SEMA6A: variants seen among roughly 807,000 people sequenced by gnomAD.
The protein encoded by SEMA6A is semaphorin 6A.
In SEMA6A, 25 loss-of-function variants were observed where a neutral mutation model predicts 96.8. The ratio of observed to expected loss-of-function variants is 0.26; its 90% confidence interval spans 0.19 to 0.36. The LOEUF (loss-of-function observed/expected upper bound fraction) is 0.36. SEMA6A is among the 10% of genes least tolerant of loss of function. The pLI is 1.00. For synonymous variants in SEMA6A, 612 were observed against 518.0 expected (o/e 1.18, Z -2.46); for missense variants, 1,363 against 1,323.1 (o/e 1.03, Z -0.47).
At chr5:116,496,430 G>T in intron 4 of SEMA6A, 117 bp from the exon 5 acceptor site, 1 of 747,680 alleles carries the variant, frequency 1.3e-6, no homozygotes, top group Non-Finnish European at 2.2e-6. Flanking sequence ...AAAGCTTTCT[G>T]CACCCTTTCT....
chr5:116,532,407 G>C (rs1026367662), intron 1 of SEMA6A, among the ~76,000 whole-genome samples: 6 of 152,192 alleles, frequency 3.9e-5, no homozygotes, highest in Non-Finnish European at 8.8e-5. Context: ...TGTCAAAGTG[G>C]CCACAAGACT....
chr5:116,572,458 A>C (rs1393600325), intron 1 of SEMA6A, among the ~76,000 whole-genome samples: 1 of 152,158 alleles, frequency 6.6e-6, no homozygotes, highest in Non-Finnish European at 1.5e-5. Flanking sequence ...GGCTGTGAAG[A>C]CAGCGCCTCC....
At chr5:116,545,568 C>A (rs1316671545) in intron 1 of SEMA6A, among the ~76,000 whole-genome samples, 2 of 151,852 alleles carry the variant, frequency 1.3e-5, no homozygotes, top group African/African-American at 4.8e-5. Context: ...GAAACTTCAT[C>A]TTAAAAAAAA....
rs369926890 is a variant in SEMA6A, at chr5:116,541,693, C to T, written c.-39+32492G>A. On this transcript the variant is annotated intron_variant, in intron 1 of 18. Coordinates refer to ENST00000343348, the MANE Select transcript of SEMA6A (RefSeq NM_020796.5). ...ACTAAAGATACAAAAATTAGCTGGGCGTGGTGGCGTGCACCTGTAATCCCA... is the reference window on the plus strand; with the variant it reads ...ACTAAAGATACAAAAATTAGCTGGGTGTGGTGGCGTGCACCTGTAATCCCA... 3.9e-5 allele frequency among the ~76,000 whole-genome samples: 6 copies of T among 152,130 alleles called. No individual in the cohort carries two copies. In the South Asian group the frequency reaches 6.2e-4, roughly 16 times the overall value.
At chr5:116,542,625 T>C (rs115998598) in intron 1 of SEMA6A, among the ~76,000 whole-genome samples, 3,863 of 152,334 alleles carry the variant, frequency 0.025, 64 homozygotes, top group Middle Eastern at 0.044. Context: ...CACACTCTGC[T>C]AGGATTCTAA....
chr5:116,464,566 C>T (rs962016242), intron 18 of SEMA6A, among the ~76,000 whole-genome samples: 6 of 151,988 alleles, frequency 3.9e-5, no homozygotes, highest in East Asian at 1.9e-4. Flanking sequence ...ATGCTACTCA[C>T]GGTGTAGAAG....
intron 1 of SEMA6A, among the ~76,000 whole-genome samples, chr5:116,563,902 C>G (rs1425104489): frequency 6.6e-6 from 1 of 152,146 alleles, no homozygotes; most frequent in Non-Finnish European, 1.5e-5. Flanking sequence ...CTTTGCTTCT[C>G]AGAGATATCT....
chr5:116,512,343 A>C (rs908169266), intron 1 of SEMA6A, among the ~76,000 whole-genome samples: 1 of 152,204 alleles, frequency 6.6e-6, no homozygotes. Flanking sequence ...CCTCTTAATA[A>C]AGCATCTGGT....
chr5:116,527,677 C>A (rs1759289466), intron 1 of SEMA6A, among the ~76,000 whole-genome samples: 1 of 151,654 alleles, frequency 6.6e-6, no homozygotes, highest in Non-Finnish European at 1.5e-5. Context: ...TTCAACAATT[C>A]TTTTATTTTT....
chr5:116,524,001 A>G (rs1337878529), intron 1 of SEMA6A, among the ~76,000 whole-genome samples: 3 of 152,218 alleles, frequency 2.0e-5, no homozygotes, highest in Non-Finnish European at 2.9e-5. Context: ...CATGTCCAAT[A>G]ACAACTGGAC....
intron 1 of SEMA6A, among the ~76,000 whole-genome samples, chr5:116,560,244 CT>C (rs1267486103): frequency 5.3e-5 from 8 of 152,220 alleles, no homozygotes; most frequent in Admixed American, 4.6e-4. Context: ...TTCTTAGCAT[CT>C]TCTGCATTCT....
Position 116,544,081 on chromosome 5 carries a change from T to C in SEMA6A, c.-39+30104A>G, listed in dbSNP as rs139251449. Among the ~76,000 whole-genome samples, 11 of 152,342 alleles carry C rather than the reference T, an allele frequency of 7.2e-5. No individual in the cohort carries two copies. The East Asian group carries it at 1.9e-3, about 27-fold the overall frequency. On this transcript the variant is annotated intron_variant, in intron 1 of 18. Coordinates refer to ENST00000343348, the MANE Select transcript of SEMA6A (RefSeq NM_020796.5). Reference sequence around the variant, plus strand: ...TAATGAAATAACTGGGGTACTTGAATTTGAAGGCTCACCTTCCAACCACTT... The same window carrying C: ...TAATGAAATAACTGGGGTACTTGAACTTGAAGGCTCACCTTCCAACCACTT...
At chr5:116,467,443 G>A (rs1426275224) in intron 18 of SEMA6A, 140 bp downstream of exon 18, 1 of 796,026 alleles carries the variant, frequency 1.3e-6, no homozygotes, top group Non-Finnish European at 1.9e-6. Context: ...TGGGGTTGCA[G>A]TCTTTTTCGA....
intron 10 of SEMA6A, among the ~76,000 whole-genome samples, chr5:116,485,600 C>T (rs1264231779): frequency 1.3e-5 from 2 of 152,196 alleles, no homozygotes; most frequent in African/African-American, 4.8e-5. Context: ...TTTCATCCTT[C>T]ATGAAGTTTG....
chr5:116,549,852 T>C (rs933663323), intron 1 of SEMA6A, among the ~76,000 whole-genome samples: 4 of 152,208 alleles, frequency 2.6e-5, no homozygotes, highest in East Asian at 1.9e-4. Context: ...ACGATACTTA[T>C]GCACTTTCAC....
rs1754492636 is a variant in SEMA6A at position 116,449,503 on chromosome 5, G to A, written c.1895-1692C>T. The A allele has an allele frequency of 5.2e-6, 3 of 581,260 alleles. No individual in the cohort carries two copies. The Admixed American group carries it at 9.3e-5, about 18-fold the overall frequency. 36.0% of individuals were successfully genotyped at this position (581,260 alleles called of 1,614,324 possible). A position where few individuals can be genotyped will look rare whatever the true frequency, so the allele number is the denominator to read the frequency against. On this transcript the variant is annotated intron_variant, in intron 18 of 18. Transcript: ENST00000343348. Reference sequence around the variant, plus strand: ...CTACTGAAATGTTGTCTTTGTCACAGCCGAGACCTTGAAGCTTTCTCATGG... The same window carrying A: ...CTACTGAAATGTTGTCTTTGTCACAACCGAGACCTTGAAGCTTTCTCATGG...
chr5:116,512,121 T>C (rs564653907), intron 1 of SEMA6A, among the ~76,000 whole-genome samples: 1 of 152,288 alleles, frequency 6.6e-6, no homozygotes, highest in African/African-American at 2.4e-5. Context: ...ACAGCTCTGT[T>C]TCAAGGACCG....
At chr5:116,480,460 T>C (rs904324017) in intron 11 of SEMA6A, among the ~76,000 whole-genome samples, 183 bp from the exon 12 acceptor site, 1 of 152,160 alleles carries the variant, frequency 6.6e-6, no homozygotes, top group Non-Finnish European at 1.5e-5. Context: ...CTGAGCCGCC[T>C]CCTCATTTCT....
In SEMA6A at chr5:116,482,327, A is replaced by G. The variant is rs1256229768; in HGVS notation, c.1094+117T>C. 13 of 1,129,108 alleles carry G rather than the reference A, an allele frequency of 1.2e-5. No individual in the cohort carries two copies. In the Admixed American group the frequency reaches 3.2e-4, roughly 28 times the overall value. The allele number at this position is 1,129,108 out of a possible 1,614,324, so 69.9% of individuals were successfully genotyped here. A position where few individuals can be genotyped will look rare whatever the true frequency, so the allele number is the denominator to read the frequency against. ...GGGTTTTGGTTAATGAGATGAAGGC[A>G]ATCTGCTTGGCTGGCATGGAAGGCA... is the stretch of plus-strand genomic sequence containing the variant. On this transcript the variant is annotated intron_variant, in intron 11 of 18. Transcript: ENST00000343348.
Sources: allele counts gnomAD v4.1 joint callset (sites outside exome capture counted in the v4.1 genomes callset), GRCh38; gene constraint gnomAD v4.1.1; transcripts MANE v1.5; gene names NCBI Gene and HGNC (gene_info 2026-07-23, HGNC 2026-07-21).